The following CGNL1 variants were observed in gnomAD, a reference collection of about 807,000 sequenced individuals.
The protein encoded by CGNL1 is cingulin-like protein 1.
In CGNL1, 132 loss-of-function variants were observed where a neutral mutation model predicts 141.2. That is an observed-to-expected ratio of 0.93 (90% confidence interval 0.81 to 1.08). The LOEUF is 1.08. Among genes scored for constraint, CGNL1 ranks in the 50% least tolerant of loss-of-function variants. The pLI, the probability that CGNL1 is intolerant of heterozygous loss-of-function variation, is 0.00. For synonymous variants in CGNL1, 690 were observed against 622.1 expected (o/e 1.11, Z -1.63); for missense variants, 1,870 against 1,588.6 (o/e 1.18, Z -3.01).
intron 13 of CGNL1, among the ~76,000 whole-genome samples, chr15:57,531,140 A>T (rs955454681): frequency 6.6e-6 from 1 of 152,238 alleles, no homozygotes; most frequent in African/African-American, 2.4e-5. Flanking sequence ...TTCTGAAGTG[A>T]TGATGAGTTT....
At chr15:57,378,968 T>C (rs2062396641) in intron 1 of CGNL1, among the ~76,000 whole-genome samples, 1 of 152,154 alleles carries the variant, frequency 6.6e-6, no homozygotes, top group Non-Finnish European at 1.5e-5. Context: ...CAGCGCATTG[T>C]CTTACAGGGT....
chr15:57,381,747 T>C (rs1438913557), intron 1 of CGNL1, among the ~76,000 whole-genome samples: 1 of 152,196 alleles, frequency 6.6e-6, no homozygotes, highest in Non-Finnish European at 1.5e-5. Context: ...ACTGATTTAC[T>C]ATTTTCCTCT....
intron 4 of CGNL1, among the ~76,000 whole-genome samples, chr15:57,445,460 G>T (rs2063239300): frequency 6.6e-6 from 1 of 152,180 alleles, no homozygotes; most frequent in Non-Finnish European, 1.5e-5. Context: ...TGTCACTTAA[G>T]TGATTAGGAG....
intron 8 of CGNL1, among the ~76,000 whole-genome samples, chr15:57,467,495 G>T (rs2063524088): frequency 6.6e-6 from 1 of 152,060 alleles, no homozygotes; most frequent in African/African-American, 2.4e-5. Flanking sequence ...TACAGATTCA[G>T]AGACTTAAGG....
chr15:57,516,970 C>A lies in CGNL1; in HGVS notation c.2594C>A (p.Thr865Lys). The A allele has an allele frequency of 6.2e-7, 1 of 1,613,206 alleles. No individual in the cohort carries two copies. The highest frequency in any genetic ancestry group is 8.5e-7 in the Non-Finnish European group (1 of 1,179,934). The change falls in exon 9 of 19, where the codon ACG becomes AAG. Residue 865 changes from threonine (T) to lysine (K), a missense_variant. Thr to Lys is a moderately conservative substitution (Grantham distance 78). Coordinates refer to ENST00000281282, the MANE Select transcript of CGNL1 (RefSeq NM_032866.5). ...GGCGATGAAGCCAAGGCGAAGGAAACGCTGAAGAAGTACGAGGTGAGGCTC... is the reference window on the plus strand; with the variant it reads ...GGCGATGAAGCCAAGGCGAAGGAAAAGCTGAAGAAGTACGAGGTGAGGCTC... ...LKGDEAKAKE[T>K]LKKYEGEIRQ...
rs1267239380 is a variant in CGNL1, at chr15:57,550,415, C to G, written c.*2925C>G. On this transcript the variant is annotated 3_prime_UTR_variant, in exon 19 of 19. Coordinates refer to ENST00000281282, the MANE Select transcript of CGNL1 (RefSeq NM_032866.5). ...CTGTTTTTTGCTTTAAGAACTAACC[C>G]CGATCAAGAGTATTTTCTTTAGCTA... 6.6e-6 allele frequency: 1 copy of G among 152,574 alleles called. No individual in the cohort carries two copies. The highest frequency in any genetic ancestry group is 3.4e-3 in the Middle Eastern group (1 of 294). 9.5% of individuals were successfully genotyped at this position (152,574 alleles called of 1,614,324 possible). A position where few individuals can be genotyped will look rare whatever the true frequency, so the allele number is the denominator to read the frequency against.
At chr15:57,498,033 C>G (rs1194730598) in intron 8 of CGNL1, among the ~76,000 whole-genome samples, 1 of 152,114 alleles carries the variant, frequency 6.6e-6, no homozygotes, top group African/African-American at 2.4e-5. Flanking sequence ...GTGGCATGTG[C>G]TGTTTTTTTT....
intron 1 of CGNL1, among the ~76,000 whole-genome samples, chr15:57,396,060 A>C (rs1246962147): frequency 6.6e-6 from 1 of 152,132 alleles, no homozygotes; most frequent in Admixed American, 6.5e-5. Context: ...TTTTTTACTT[A>C]GTATTATGTT....
At position 57,528,657 on chromosome 15, in the gene CGNL1, C is replaced by T. The variant is rs138103109; in HGVS notation, c.3043C>T (p.Arg1015Cys). 5.5e-5 allele frequency: 89 copies of T among 1,613,810 alleles called. No homozygotes were observed. The African/African-American group carries it at 7.1e-4, about 13-fold the overall frequency. The change falls in exon 13 of 19, where the codon CGT (arginine) becomes TGT (cysteine). Residue 1015 changes from arginine to cysteine, a missense_variant. Coordinates refer to ENST00000281282, the MANE Select transcript of CGNL1 (RefSeq NM_032866.5). ...LTAMKMQDEM[R>C]LMEEELRDYQ... is the part of the protein sequence containing the mutation. ...TCCCAGCTGTCTCTCCTCCTAGATG[C>T]GTCTGATGGAGGAAGAGTTACGGGA... is the stretch of plus-strand genomic sequence containing the variant.
At chr15:57,415,057 G>A (rs74019108) in intron 1 of CGNL1, among the ~76,000 whole-genome samples, 4,577 of 152,258 alleles carry the variant, frequency 0.03, 208 homozygotes, top group African/African-American at 0.1. Flanking sequence ...CATGGCAGGA[G>A]GCAGCAGCCT....
chr15:57,406,241 G>C (rs1455488688), intron 1 of CGNL1, among the ~76,000 whole-genome samples: 1 of 152,174 alleles, frequency 6.6e-6, no homozygotes, highest in Non-Finnish European at 1.5e-5. Context: ...TCCAGATCAG[G>C]GCTGCCTGGG....
chr15:57,514,418 CAG>C (rs2030602724), intron 8 of CGNL1, among the ~76,000 whole-genome samples: 1 of 152,150 alleles, frequency 6.6e-6, no homozygotes, highest in South Asian at 2.1e-4. Context: ...TCTTAAAGTG[CAG>C]AGACTATGAC....
intron 1 of CGNL1, among the ~76,000 whole-genome samples, chr15:57,413,014 C>G (rs995061574): frequency 6.6e-6 from 1 of 151,880 alleles, no homozygotes; most frequent in Non-Finnish European, 1.5e-5. Flanking sequence ...GTGCGTGCCA[C>G]CATGCCCGAC....
At chr15:57,519,382 A>C (rs1194025454) in intron 10 of CGNL1, among the ~76,000 whole-genome samples, 1 of 152,134 alleles carries the variant, frequency 6.6e-6, no homozygotes, top group Admixed American at 6.5e-5. Flanking sequence ...TCAGGTTCAG[A>C]TTTGTAAATG....
chr15:57,531,340 T>G (rs1181160822), intron 13 of CGNL1, among the ~76,000 whole-genome samples: 4 of 152,204 alleles, frequency 2.6e-5, no homozygotes, highest in Non-Finnish European at 5.9e-5. Context: ...GGCACTGGCT[T>G]GGGTAGATCT....
At chr15:57,513,620 A>C (rs1379065285) in intron 8 of CGNL1, among the ~76,000 whole-genome samples, 2 of 152,080 alleles carry the variant, frequency 1.3e-5, no homozygotes, top group Non-Finnish European at 2.9e-5. Flanking sequence ...TCCTGGGTTC[A>C]AGCGATTCTC....
intron 14 of CGNL1, among the ~76,000 whole-genome samples, chr15:57,533,430 A>T (rs2032069096): frequency 6.6e-6 from 1 of 152,186 alleles, no homozygotes; most frequent in Non-Finnish European, 1.5e-5. Flanking sequence ...AGCCCCTGCC[A>T]GCCTGGCTAA....
At chr15:57,468,881 C>T (rs1302267333) in intron 8 of CGNL1, among the ~76,000 whole-genome samples, 1 of 152,192 alleles carries the variant, frequency 6.6e-6, no homozygotes, top group Non-Finnish European at 1.5e-5. Context: ...TCAGGGATTT[C>T]CGCTTTTGCG....
At chr15:57,442,928 C>CT (rs1482621068) in intron 4 of CGNL1, among the ~76,000 whole-genome samples, 26 of 152,120 alleles carry the variant, frequency 1.7e-4, no homozygotes, top group African/African-American at 6.3e-4. Flanking sequence ...CTTTCCCAGC[C>CT]TTTTTTCCAG....
Sources: allele counts gnomAD v4.1 joint callset (sites outside exome capture counted in the v4.1 genomes callset), GRCh38; gene constraint gnomAD v4.1.1; transcripts MANE v1.5; gene names NCBI Gene and HGNC (gene_info 2026-07-23, HGNC 2026-07-21).